Variants in FTO observed in about 807,000 individuals in gnomAD.
The protein encoded by FTO is alpha-ketoglutarate-dependent dioxygenase FTO.
In FTO, 47 loss-of-function variants were observed where a neutral mutation model predicts 63.9. That is an observed-to-expected ratio of 0.74 (90% confidence interval 0.58 to 0.94). The LOEUF is 0.94. Among genes scored for constraint, FTO ranks in the 40% least tolerant of loss-of-function variants. FTO has a pLI of 0.00. For missense variants in FTO, 562 were observed against 618.1 expected (o/e 0.91, Z 0.96); for synonymous variants, 207 against 224.4 (o/e 0.92, Z 0.69).
chr16:53,825,837 T>C (rs1458861209), intron 2 of FTO, 27 bp from the exon 3 acceptor site: 3 of 1,609,598 alleles, frequency 1.9e-6, no homozygotes, highest in Non-Finnish European at 2.5e-6. Context: ...TATATCAACG[T>C]CTGTTTTTGC....
chr16:53,786,883 G>A (rs1225988027), intron 1 of FTO, among the ~76,000 whole-genome samples: 1 of 151,728 alleles, frequency 6.6e-6, no homozygotes, highest in African/African-American at 2.4e-5. Flanking sequence ...AGGCTGAGGC[G>A]GGCAGATCAT....
chr16:54,085,900 G>A (rs1257544281), intron 8 of FTO, among the ~76,000 whole-genome samples: 1 of 152,094 alleles, frequency 6.6e-6, no homozygotes, highest in African/African-American at 2.4e-5. Context: ...AAGGCCACTT[G>A]GACAAATGAT....
chr16:54,077,325 C>A (rs2086023483), intron 8 of FTO, among the ~76,000 whole-genome samples: 1 of 152,134 alleles, frequency 6.6e-6, no homozygotes, highest in Non-Finnish European at 1.5e-5. Flanking sequence ...CCTTTGGGGG[C>A]CCAGTAAACG....
chr16:53,870,393 C>T (rs762233855), intron 4 of FTO, among the ~76,000 whole-genome samples: 57 of 152,138 alleles, frequency 3.7e-4, no homozygotes, highest in African/African-American at 1.1e-3. Flanking sequence ...CTCTCAGTCC[C>T]GTCTACGTTG....
rs35135177 is a variant in FTO at position 53,931,871 on chromosome 16, A to AACACACACAC, written c.1240-2087_1240-2078dup. On this transcript the variant is annotated intron_variant, in intron 7 of 8. Transcript: ENST00000471389. ...TTTACAAAAATCAGTTTTTACATTA[A>AACACACACAC]ACACACACACACACACACACACACA... 8.6e-3 allele frequency among the ~76,000 whole-genome samples: 1,253 copies of AACACACACAC among 145,786 alleles called. 12 individuals are homozygous for AACACACACAC. The highest frequency in any genetic ancestry group is 0.027 in the African/African-American group (1,051 of 39,464).
In FTO at chr16:53,852,416, G is replaced by T. The variant is rs75020106; in HGVS notation, c.895+8118G>T. ...TTACTTTCCTTAGAACCAGTTTATA[G>T]ATACTTTCTCTTGAATTTTAGTGTG... On this transcript the variant is annotated intron_variant, in intron 4 of 8. Transcript: ENST00000471389. Among the ~76,000 whole-genome samples, 1,232 of 152,264 alleles carry T rather than the reference G, an allele frequency of 8.1e-3. 16 individuals carry two copies. Among genetic ancestry groups the T allele is most frequent in the African/African-American group, 0.029 (1,191 of 41,534 alleles).
intron 7 of FTO, among the ~76,000 whole-genome samples, chr16:53,897,196 T>A (rs1004272640): frequency 6.6e-6 from 1 of 152,206 alleles, no homozygotes; most frequent in Non-Finnish European, 1.5e-5. Flanking sequence ...TTGACATTTT[T>A]TTTTGCATTT....
At chr16:53,773,279 G>T (rs2077384543) in intron 1 of FTO, among the ~76,000 whole-genome samples, 1 of 152,036 alleles carries the variant, frequency 6.6e-6, no homozygotes. Flanking sequence ...AGCATAGGTG[G>T]AAGATATTGT....
chr16:53,905,836 C>G (rs560347883), intron 7 of FTO, among the ~76,000 whole-genome samples: 10 of 152,304 alleles, frequency 6.6e-5, no homozygotes, highest in African/African-American at 2.4e-4. Flanking sequence ...GCAAATGTTT[C>G]ATGGGTGTAC....
intron 1 of FTO, among the ~76,000 whole-genome samples, chr16:53,801,761 C>A (rs79131477): frequency 0.027 from 3,890 of 145,778 alleles, 60 homozygotes; most frequent in Non-Finnish European, 0.039. Context: ...TGGTGTTATT[C>A]TTTTTTTTCT....
chr16:53,726,801 C>G (rs2076163394), intron 1 of FTO, among the ~76,000 whole-genome samples: 1 of 152,144 alleles, frequency 6.6e-6, no homozygotes, highest in Non-Finnish European at 1.5e-5. Flanking sequence ...AACCTCTGAC[C>G]CTCCACTTAG....
chr16:53,828,105 A>G (rs1281419080), intron 3 of FTO, among the ~76,000 whole-genome samples: 1 of 152,250 alleles, frequency 6.6e-6, no homozygotes, highest in Non-Finnish European at 1.5e-5. Context: ...AGTAATTAAG[A>G]CTGACAAAGT....
intron 8 of FTO, among the ~76,000 whole-genome samples, chr16:53,962,748 C>A (rs2083112011): frequency 6.6e-6 from 1 of 152,102 alleles, no homozygotes; most frequent in Admixed American, 6.6e-5. Flanking sequence ...GTATGTTGGT[C>A]TGCATTATTT....
At chr16:53,712,688 A>G (rs1383066947) in intron 1 of FTO, among the ~76,000 whole-genome samples, 1 of 152,232 alleles carries the variant, frequency 6.6e-6, no homozygotes, top group Non-Finnish European at 1.5e-5. Flanking sequence ...GCTTCCTTGA[A>G]GATAGCATTT....
intron 4 of FTO, among the ~76,000 whole-genome samples, chr16:53,865,428 C>G (rs1379965204): frequency 6.6e-6 from 1 of 152,148 alleles, no homozygotes; most frequent in African/African-American, 2.4e-5. Context: ...ATTTAAAACT[C>G]CAAATGTATC....
chr16:54,106,201 G>GT (rs2086746135), intron 8 of FTO, among the ~76,000 whole-genome samples: 1 of 152,086 alleles, frequency 6.6e-6, no homozygotes, highest in African/African-American at 2.4e-5. Context: ...TCTTCTAAAT[G>GT]TAAGTGCAGC....
At chr16:53,914,612 C>G (rs1403228033) in intron 7 of FTO, among the ~76,000 whole-genome samples, 3 of 152,128 alleles carry the variant, frequency 2.0e-5, no homozygotes, top group Non-Finnish European at 4.4e-5. Flanking sequence ...GTAAACCCCA[C>G]AGCGTAAAAT....
In FTO at chr16:53,943,016, A is replaced by C. The variant is rs1002335224; in HGVS notation, c.1364+8907A>C. Among the ~76,000 whole-genome samples, 7 of 152,330 alleles carry C rather than the reference A, an allele frequency of 4.6e-5. No homozygotes were observed. In the East Asian group the frequency reaches 5.8e-4, roughly 13 times the overall value. ...GGGAGGCACTGGCCTGCTAGTTGCC[A>C]TCCGGGTCTTTTTTAAGACATCTGT... On this transcript the variant is annotated intron_variant, in intron 8 of 8. Coordinates refer to ENST00000471389, the MANE Select transcript of FTO (RefSeq NM_001080432.3).
At chr16:53,764,312 G>A (rs186579546) in intron 1 of FTO, 4 of 152,362 alleles carry the variant, frequency 2.6e-5, no homozygotes, top group Non-Finnish European at 5.9e-5. Context: ...ATGGGAGAGT[G>A]TGGCTGGACA....
Sources: allele counts gnomAD v4.1 joint callset (sites outside exome capture counted in the v4.1 genomes callset), GRCh38; gene constraint gnomAD v4.1.1; transcripts MANE v1.5; gene names NCBI Gene and HGNC (gene_info 2026-07-23, HGNC 2026-07-21).